SRPK1: variants seen among roughly 807,000 people sequenced by gnomAD.
SRPK1 encodes SFRS protein kinase 1.
A neutral mutation model predicts 89.5 loss-of-function variants in SRPK1; 52 were observed. The observed-to-expected ratio is 0.58, with a 90% CI of 0.46 to 0.73. SRPK1 has a LOEUF of 0.73. Ranked by LOEUF, SRPK1 falls within the 30% of genes least tolerant of loss-of-function variation. The pLI is 0.00. For synonymous variants in SRPK1, 255 were observed against 270.2 expected (o/e 0.94, Z 0.55); for missense variants, 603 against 780.6 (o/e 0.77, Z 2.71).
intron 13 of SRPK1, among the ~76,000 whole-genome samples, chr6:35,856,044 G>A (rs1033955517): frequency 1.3e-5 from 2 of 152,174 alleles, no homozygotes; most frequent in Admixed American, 1.3e-4. Flanking sequence ...AGTTTTAGAT[G>A]AAAGTTGGAC....
intron 11 of SRPK1, 49 bp downstream of exon 11, chr6:35,869,433 A>C: frequency 6.4e-7 from 1 of 1,562,040 alleles, no homozygotes. Context: ...AAATCTGTGA[A>C]TGTGTTGTGC....
rs1265938397 is a variant in SRPK1 at position 35,833,995 on chromosome 6, C to G, written c.*1309G>C. 2 of 149,138 alleles carry G rather than the reference C, an allele frequency of 1.3e-5. No homozygotes were observed. The highest frequency in any genetic ancestry group is 2.5e-5 in the African/African-American group (1 of 40,360). 9.2% of individuals were successfully genotyped at this position (149,138 alleles called of 1,614,324 possible). A position where few individuals can be genotyped will look rare whatever the true frequency, so the allele number is the denominator to read the frequency against. ...GAATATGTAATATTCTAGGTCAAGT[C>G]TAGGAGAGGCTCATCCTAAAAAAAA... is the stretch of plus-strand genomic sequence containing the variant. On this transcript the variant is annotated 3_prime_UTR_variant, in exon 16 of 16. Transcript: ENST00000373825.
At chr6:35,845,387 A>G (rs1434541266) in intron 13 of SRPK1, among the ~76,000 whole-genome samples, 1 of 152,110 alleles carries the variant, frequency 6.6e-6, no homozygotes, top group Non-Finnish European at 1.5e-5. Context: ...TTTTTGTTCA[A>G]TTTTTCTGTG....
At chr6:35,868,970 C>T in intron 12 of SRPK1, 40 bp downstream of exon 12, 2 of 1,521,616 alleles carry the variant, frequency 1.3e-6, no homozygotes, top group Non-Finnish European at 1.8e-6. Context: ...ATTCATCCTC[C>T]CAGTCACTTC....
intron 2 of SRPK1, among the ~76,000 whole-genome samples, chr6:35,913,418 C>A (rs1277376317): frequency 6.6e-6 from 1 of 152,028 alleles, no homozygotes; most frequent in Non-Finnish European, 1.5e-5. Flanking sequence ...CACTCCAACT[C>A]GGGAGGTGGA....
At chr6:35,880,169 A>T (rs187618418) in intron 6 of SRPK1, among the ~76,000 whole-genome samples, 5 of 148,652 alleles carry the variant, frequency 3.4e-5, no homozygotes, top group African/African-American at 9.8e-5. Context: ...TAATGAGGAT[A>T]AAAAAAAAAC....
At chr6:35,894,024 A>G (rs1421413870) in intron 2 of SRPK1, among the ~76,000 whole-genome samples, 2 of 152,164 alleles carry the variant, frequency 1.3e-5, no homozygotes, top group Non-Finnish European at 2.9e-5. Flanking sequence ...TAAAAGAAAA[A>G]AAAAGAAAAG....
intron 13 of SRPK1, among the ~76,000 whole-genome samples, chr6:35,853,931 C>A (rs1487666137): frequency 6.6e-6 from 1 of 150,856 alleles, no homozygotes; most frequent in Non-Finnish European, 1.5e-5. Context: ...GTGTTCTTCA[C>A]AAATATTTTC....
chr6:35,857,496 T>C, intron 12 of SRPK1, 128 bp from the exon 13 acceptor site: 1 of 703,712 alleles, frequency 1.4e-6, no homozygotes, highest in South Asian at 1.9e-5. Context: ...ACTTTGCTTA[T>C]TTCTTAAACA....
intron 13 of SRPK1, among the ~76,000 whole-genome samples, chr6:35,846,386 T>G (rs1478383822): frequency 6.6e-6 from 1 of 150,872 alleles, no homozygotes; most frequent in African/African-American, 2.4e-5. Flanking sequence ...TGCTCAGGAG[T>G]TCGAGACCAG....
chr6:35,844,838 T>C (rs1045505456), intron 13 of SRPK1, among the ~76,000 whole-genome samples: 2 of 151,796 alleles, frequency 1.3e-5, no homozygotes, highest in African/African-American at 2.4e-5. Context: ...GTCTCATATA[T>C]AGAGTTCAGT....
intron 6 of SRPK1, among the ~76,000 whole-genome samples, chr6:35,885,797 T>C (rs1770395793): frequency 6.6e-6 from 1 of 152,218 alleles, no homozygotes; most frequent in Admixed American, 6.5e-5. Context: ...ACCTTTCCAT[T>C]AGCTCACCGC....
chr6:35,856,114 AG>A (rs1419062587), intron 13 of SRPK1, among the ~76,000 whole-genome samples: 2 of 152,220 alleles, frequency 1.3e-5, no homozygotes, highest in African/African-American at 4.8e-5. Context: ...CCCAACCTCC[AG>A]GGAAGGGAGG....
chr6:35,916,238 A>AAATT (rs1265557765), intron 2 of SRPK1, among the ~76,000 whole-genome samples: 1 of 147,556 alleles, frequency 6.8e-6, no homozygotes, highest in African/African-American at 2.6e-5. Flanking sequence ...ATAAATAAAT[A>AAATT]AATAAATTAA....
chr6:35,909,370 G>GAGA (rs1185809610), intron 2 of SRPK1, among the ~76,000 whole-genome samples: 1 of 152,236 alleles, frequency 6.6e-6, no homozygotes, highest in Non-Finnish European at 1.5e-5. Flanking sequence ...CTCCCATTTG[G>GAGA]AATGGGAACA....
intron 13 of SRPK1, among the ~76,000 whole-genome samples, chr6:35,847,371 AATT>A (rs146899347): frequency 0.011 from 1,625 of 152,034 alleles, 31 homozygotes; most frequent in African/African-American, 0.037. Flanking sequence ...ACATCTGGCT[AATT>A]TTTTCATTTC....
At chr6:35,845,766 T>C (rs991545549) in intron 13 of SRPK1, among the ~76,000 whole-genome samples, 2 of 152,196 alleles carry the variant, frequency 1.3e-5, no homozygotes, top group African/African-American at 4.8e-5. Context: ...TCTGTATCAA[T>C]GGGCTGGCCA....
intron 6 of SRPK1, among the ~76,000 whole-genome samples, chr6:35,879,387 A>T (rs1770227438): frequency 6.6e-6 from 1 of 151,890 alleles, no homozygotes; most frequent in South Asian, 2.1e-4. Context: ...TCTCCACAAA[A>T]AATAAAAAAT....
chr6:35,919,177 A>G (rs1771173920), intron 2 of SRPK1, among the ~76,000 whole-genome samples: 1 of 152,256 alleles, frequency 6.6e-6, no homozygotes, highest in Non-Finnish European at 1.5e-5. Context: ...TGGATAATCC[A>G]AAGGTAAACA....
Sources: gnomAD v4.1 joint callset for allele counts (sites outside exome capture counted in the v4.1 genomes callset) on GRCh38, gnomAD v4.1.1 for gene constraint, MANE v1.5 for transcripts, NCBI Gene and HGNC (gene_info 2026-07-23, HGNC 2026-07-21) for gene names.